Variants in ZGRF1 observed in about 807,000 individuals in gnomAD.
ZGRF1 encodes the protein 5'-3' DNA helicase ZGRF1.
In ZGRF1, 196 loss-of-function variants were observed where a neutral mutation model predicts 203.5. The ratio of observed to expected loss-of-function variants is 0.96; its 90% confidence interval spans 0.86 to 1.08. ZGRF1 has a LOEUF of 1.08. ZGRF1 is among the 50% of genes least tolerant of loss of function. ZGRF1 has a pLI of 0.00. For missense variants in ZGRF1, 2,326 were observed against 2,416.3 expected, an observed-to-expected ratio of 0.96 and a Z score of 0.78; for synonymous variants, 809 against 841.3, an observed-to-expected ratio of 0.96 and a Z score of 0.66.
rs780824631 is a variant in ZGRF1 at position 112,603,658 on chromosome 4, T to C, written c.2842A>G (p.Thr948Ala). Residue 948 changes from threonine to alanine, a missense_variant, in exon 10 of 28, where the codon ACT (threonine) becomes GCT (alanine). By Grantham distance (58) the Thr-to-Ala change is moderately conservative. Coordinates refer to ENST00000505019, the MANE Select transcript of ZGRF1 (RefSeq NM_018392.5). Reference sequence around the variant, plus strand: ...TGTCCTCTGACCATTACACCACTAGTAGCTGATCCTTTTACTTGATGTCCT... The same window carrying C: ...TGTCCTCTGACCATTACACCACTAGCAGCTGATCCTTTTACTTGATGTCCT... ...FQGHQVKGSA[T>A]SGVMVRGHSS... 12 of 1,613,994 alleles carry C rather than the reference T, an allele frequency of 7.4e-6. No homozygotes were observed. In the South Asian group the frequency reaches 1.3e-4, roughly 18 times the overall value.
chr4:112,623,878 T>C lies in ZGRF1; in HGVS notation c.103-2A>G, dbSNP rs755564388. ...TCCTTTGTCATCATATAAAATTGCC[T>C]GTATGAAAACAAAATAAATGTTAAA... On this transcript the variant is annotated splice_acceptor_variant, in intron 3 of 27. Coordinates refer to ENST00000505019, the MANE Select transcript of ZGRF1 (RefSeq NM_018392.5). LOFTEE classifies it high-confidence loss of function. 2 of 1,546,492 alleles carry C rather than the reference T, an allele frequency of 1.3e-6. No homozygotes were observed. Among genetic ancestry groups the C allele is most frequent in the South Asian group, 1.2e-5 (1 of 86,310 alleles).
intron 10 of ZGRF1, among the ~76,000 whole-genome samples, chr4:112,601,689 G>A (rs1240613923): frequency 6.6e-6 from 1 of 151,518 alleles, no homozygotes; most frequent in Admixed American, 6.6e-5. Flanking sequence ...AGTGAGCCAT[G>A]TTCATGCACT....
chr4:112,569,807 A>C (rs1743871060), intron 16 of ZGRF1, among the ~76,000 whole-genome samples: 1 of 152,142 alleles, frequency 6.6e-6, no homozygotes, highest in Admixed American at 6.5e-5. Flanking sequence ...GCTGTTTATA[A>C]GGAACACCTG....
At chr4:112,573,222 A>T (rs1166367235) in intron 16 of ZGRF1, among the ~76,000 whole-genome samples, 1 of 151,958 alleles carries the variant, frequency 6.6e-6, no homozygotes, top group Non-Finnish European at 1.5e-5. Flanking sequence ...CTATTCAGCC[A>T]TAAAAAGAAA....
intron 10 of ZGRF1, among the ~76,000 whole-genome samples, chr4:112,599,532 C>A (rs2149079170): frequency 6.8e-6 from 1 of 147,684 alleles, no homozygotes; most frequent in South Asian, 2.2e-4. Context: ...ACCAGCCTGG[C>A]AATATAGCAA....
intron 16 of ZGRF1, among the ~76,000 whole-genome samples, chr4:112,570,265 C>A (rs1743964021): frequency 6.6e-6 from 1 of 152,182 alleles, no homozygotes; most frequent in South Asian, 2.1e-4. Context: ...AATATCACTT[C>A]TCAGTCTTTT....
At chr4:112,561,676 T>G (rs183666590) in intron 18 of ZGRF1, 2 of 152,324 alleles carry the variant, frequency 1.3e-5, no homozygotes, top group Admixed American at 1.3e-4. Context: ...AAATTCAAAA[T>G]GAGATATGGC....
At chr4:112,580,790 G>A (rs1746087600) in intron 16 of ZGRF1, among the ~76,000 whole-genome samples, 1 of 152,154 alleles carries the variant, frequency 6.6e-6, no homozygotes, top group African/African-American at 2.4e-5. Context: ...AGGTGCTGGA[G>A]AGGATGTGGA....
rs1306889011 is a variant in ZGRF1 at position 112,589,745 on chromosome 4, GATC to G, written c.3103_3105del (p.Asp1035del). The G allele has an allele frequency of 6.2e-7, 1 of 1,613,730 alleles. No homozygotes were observed. The highest frequency in any genetic ancestry group is 8.5e-7 in the Non-Finnish European group (1 of 1,179,846). ...CTACCCTCCAAGTTGAGAAAATGAAGATCATCAGGTAAAGTTCTTGCTTTCAGG... is the reference window on the plus strand; with the variant it reads ...CTACCCTCCAAGTTGAGAAAATGAAGATCAGGTAAAGTTCTTGCTTTCAGG... On this transcript the variant is annotated inframe_deletion, in exon 11 of 28. Transcript: ENST00000505019.
intron 3 of ZGRF1, chr4:112,630,026 A>G (rs983936606): frequency 6.2e-6 from 1 of 160,318 alleles, no homozygotes; most frequent in Non-Finnish European, 1.4e-5. Flanking sequence ...CTAAAAAAAG[A>G]AAAAAAAAAA....
In ZGRF1 at chr4:112,541,530, TTTTG is replaced by T. The variant is rs200408829; in HGVS notation, c.5599-266_5599-263del. 2.7e-3 allele frequency among the ~76,000 whole-genome samples: 366 copies of T among 138,078 alleles called. 1 individual carries two copies. Among genetic ancestry groups the T allele is most frequent in the African/African-American group, 9.2e-3 (343 of 37,376 alleles). The allele number at this position is 138,078 out of a possible 152,430, so 90.6% of individuals were successfully genotyped here. A position where few individuals can be genotyped will look rare whatever the true frequency, so the allele number is the denominator to read the frequency against. ...TGACTCCTAACATTATGGTTTTTTG[TTTTG>T]TTTTTTTTTTTTTTGAGATGGAGTC... On this transcript the variant is annotated intron_variant, in intron 24 of 27. Transcript: ENST00000505019.
intron 5 of ZGRF1, 142 bp from the exon 6 acceptor site, chr4:112,619,832 G>A: frequency 1.1e-6 from 1 of 917,644 alleles, no homozygotes; most frequent in Non-Finnish European, 1.6e-6. Context: ...GTTTGTCAAA[G>A]TACATTCATT....
Position 112,617,643 on chromosome 4 carries a change from T to C in ZGRF1, c.2399A>G (p.Glu800Gly). Residue 800 changes from glutamate to glycine, a missense_variant, in exon 6 of 28, where the codon GAG (glutamate) becomes GGG (glycine). Physicochemically the swap from Glu to Gly is moderately conservative, Grantham distance 98. Transcript: ENST00000505019. ...TTTGCCTTCTCTGGCAGTTTCAACC[T>C]CAACATGGTCAGGGGGTGGACTTCT... is the stretch of plus-strand genomic sequence containing the variant. ...KIRSPPPDHV[E>G]VETAREGKQY... 1 of 1,613,722 alleles carries C rather than the reference T, an allele frequency of 6.2e-7. No individual in the cohort carries two copies. Among genetic ancestry groups the C allele is most frequent in the South Asian group, 1.1e-5 (1 of 90,952 alleles).
At chr4:112,592,242 C>T (rs763269036) in intron 10 of ZGRF1, among the ~76,000 whole-genome samples, 7 of 151,834 alleles carry the variant, frequency 4.6e-5, no homozygotes, top group Non-Finnish European at 1.0e-4. Context: ...GGACTACAGG[C>T]GTGTGCCACC....
At chr4:112,616,288 G>A (rs2046866017) in intron 6 of ZGRF1, among the ~76,000 whole-genome samples, 1 of 151,978 alleles carries the variant, frequency 6.6e-6, no homozygotes. Flanking sequence ...GGGAGGCCGA[G>A]GCAGGTGGAT....
Position 112,617,785 on chromosome 4 carries a change from G to C in ZGRF1, c.2257C>G (p.Leu753Val), listed in dbSNP as rs1271014562. The change falls in exon 6 of 28, where the codon CTT (leucine) becomes GTT (valine). Residue 753 changes from leucine (L) to valine (V), a missense_variant. Physicochemically the swap from Leu to Val is conservative, Grantham distance 32. Transcript: ENST00000505019. ...TNQNHYECIA[L>V]DKSNTHISNS... ...GAAATGTGGGTATTTGATTTATCAA[G>C]TGCAATACATTCATAGTGATTCTGA... 2 of 1,613,772 alleles carry C rather than the reference G, an allele frequency of 1.2e-6. No individual in the cohort carries two copies. Among genetic ancestry groups the C allele is most frequent in the Non-Finnish European group, 1.7e-6 (2 of 1,179,796 alleles).
At chr4:112,588,064 TA>T (rs11298103) in intron 11 of ZGRF1, 135 bp from the exon 12 acceptor site, 502,470 of 506,116 alleles carry the variant, frequency 0.99, 249,448 homozygotes, top group East Asian at 1. Context: ...TTTATTTCCT[TA>T]AAAAAAAATT....
intron 8 of ZGRF1, among the ~76,000 whole-genome samples, chr4:112,608,803 C>T (rs1490310241): frequency 1.3e-5 from 2 of 151,968 alleles, no homozygotes; most frequent in African/African-American, 4.8e-5. Flanking sequence ...TTATTTTGTT[C>T]TGTTTTAGGC....
At chr4:112,585,410 TA>T in intron 14 of ZGRF1, 130 bp downstream of exon 14, 1 of 544,940 alleles carries the variant, frequency 1.8e-6, no homozygotes, top group Non-Finnish European at 3.0e-6. Flanking sequence ...TAATGTATGT[TA>T]GGTACCAACA....
Sources: allele counts gnomAD v4.1 joint callset (sites outside exome capture counted in the v4.1 genomes callset), GRCh38; gene constraint gnomAD v4.1.1; transcripts MANE v1.5; gene names NCBI Gene and HGNC (gene_info 2026-07-23, HGNC 2026-07-21).